The following CSMD3 variants were observed in gnomAD, a reference collection of about 807,000 sequenced individuals.
The protein encoded by CSMD3 is CUB and sushi domain-containing protein 3.
A neutral mutation model predicts 435.2 loss-of-function variants in CSMD3; 177 were observed. The observed-to-expected ratio is 0.41, with a 90% CI of 0.36 to 0.46. CSMD3 has a LOEUF of 0.46. CSMD3 is among the 20% of genes least tolerant of loss of function. The pLI is 0.34. For synonymous variants in CSMD3, 1,656 were observed against 1,520.5 expected (o/e 1.09, Z -2.07); for missense variants, 4,265 against 4,504.6 (o/e 0.95, Z 1.52).
chr8:112,397,112 T>G (rs902104429), intron 35 of CSMD3, among the ~76,000 whole-genome samples: 2 of 152,204 alleles, frequency 1.3e-5, no homozygotes, highest in African/African-American at 4.8e-5. Flanking sequence ...TTAAAAATAT[T>G]TTAAGACATG....
chr8:112,626,751 C>A (rs187419734), intron 22 of CSMD3, among the ~76,000 whole-genome samples: 1 of 152,200 alleles, frequency 6.6e-6, no homozygotes, highest in Admixed American at 6.6e-5. Flanking sequence ...ATCTACACTG[C>A]CAAATGATAG....
intron 1 of CSMD3, among the ~76,000 whole-genome samples, chr8:113,402,210 C>G: frequency 7.0e-6 from 1 of 142,656 alleles, no homozygotes; most frequent in East Asian, 2.0e-4. Context: ...TAAATTTTTT[C>G]ATTTGACAGC....
chr8:113,303,604 G>A (rs1208968675), intron 2 of CSMD3, among the ~76,000 whole-genome samples: 5 of 143,476 alleles, frequency 3.5e-5, no homozygotes, highest in South Asian at 2.3e-4. Flanking sequence ...CAGAAATAAC[G>A]CCACATACCT....
chr8:113,369,942 A>C (rs372867296), intron 1 of CSMD3, among the ~76,000 whole-genome samples: 9 of 151,834 alleles, frequency 5.9e-5, no homozygotes, highest in East Asian at 5.8e-4. Flanking sequence ...TGGTAAAAGG[A>C]TACAAAATTA....
intron 17 of CSMD3, among the ~76,000 whole-genome samples, chr8:112,658,401 C>T (rs1250584227): frequency 2.6e-5 from 4 of 152,018 alleles, no homozygotes. Context: ...TTCATTATAT[C>T]GTATCAGTCT....
intron 2 of CSMD3, among the ~76,000 whole-genome samples, chr8:113,287,425 T>C (rs568032569): frequency 5.3e-5 from 8 of 152,116 alleles, no homozygotes; most frequent in Admixed American, 2.0e-4. Flanking sequence ...CCTATTGATA[T>C]TGGAGTACAT....
chr8:113,047,767 C>A (rs1172938505), intron 5 of CSMD3, among the ~76,000 whole-genome samples: 1 of 152,072 alleles, frequency 6.6e-6, no homozygotes, highest in African/African-American at 2.4e-5. Flanking sequence ...AATAATGGAA[C>A]AAATTATTAC....
intron 22 of CSMD3, among the ~76,000 whole-genome samples, chr8:112,604,581 C>T (rs1022028095): frequency 2.6e-5 from 4 of 152,050 alleles, no homozygotes; most frequent in Non-Finnish European, 5.9e-5. Flanking sequence ...ACTGGCTAGG[C>T]ATATGGAGAA....
At chr8:112,978,529 C>G (rs2084935222) in intron 6 of CSMD3, among the ~76,000 whole-genome samples, 1 of 151,928 alleles carries the variant, frequency 6.6e-6, no homozygotes, top group Non-Finnish European at 1.5e-5. Flanking sequence ...CCAGGACTTT[C>G]TAGCAGTCCC....
intron 40 of CSMD3, among the ~76,000 whole-genome samples, chr8:112,347,649 T>A (rs964144471): frequency 2.0e-5 from 3 of 152,202 alleles, no homozygotes; most frequent in Non-Finnish European, 4.4e-5. Context: ...ACCCATATGC[T>A]TTTTTATGCT....
intron 46 of CSMD3, 126 bp downstream of exon 46, chr8:112,319,775 A>T (rs1330337268): frequency 2.7e-6 from 2 of 740,424 alleles, no homozygotes. Flanking sequence ...AATTCTAAAT[A>T]ATCTCTATCA....
rs200618397 is a variant in CSMD3 at position 112,295,946 on chromosome 8, C to T, written c.8501G>A (p.Gly2834Glu). The change falls in exon 54 of 71, where the codon GGA (glycine) becomes GAA (glutamate). Residue 2834 changes from glycine (G) to glutamate (E), a missense_variant. Gly to Glu is a moderately conservative substitution (Grantham distance 98). This residue lies in a region of CSMD3 where 3,255 missense variants were observed against 3,380.2 expected (regional missense o/e 0.96). Coordinates refer to ENST00000297405, the MANE Select transcript of CSMD3 (RefSeq NM_198123.2). ...TTGATATACAACTGTGTCTCTATAT[C>T]CATAATTTTCTCCAATGACTTGACC... ...VNGQVIGENYGYRDTVVYQCN... is the reference protein window; with the variant it reads ...VNGQVIGENYEYRDTVVYQCN... 289 of 1,613,528 alleles carry T rather than the reference C, an allele frequency of 1.8e-4. No individual in the cohort carries two copies. Among genetic ancestry groups the T allele is most frequent in the Admixed American group, 2.8e-4 (17 of 59,998 alleles).
chr8:113,064,101 C>T (rs1451868423), intron 5 of CSMD3, among the ~76,000 whole-genome samples: 1 of 150,322 alleles, frequency 6.7e-6, no homozygotes, highest in Non-Finnish European at 1.5e-5. Flanking sequence ...AGAAACTTGC[C>T]TAAAATTCAT....
intron 13 of CSMD3, among the ~76,000 whole-genome samples, chr8:112,699,020 A>G (rs2076322439): frequency 6.6e-6 from 1 of 152,052 alleles, no homozygotes; most frequent in African/African-American, 2.4e-5. Flanking sequence ...TATAAAATGG[A>G]CCCATCAGCA....
intron 38 of CSMD3, among the ~76,000 whole-genome samples, chr8:112,359,815 C>A (rs759674824): frequency 6.6e-6 from 1 of 152,052 alleles, no homozygotes; most frequent in Admixed American, 6.6e-5. Context: ...GGTCTCCAAG[C>A]ATGCATCATG....
intron 3 of CSMD3, among the ~76,000 whole-genome samples, chr8:113,256,699 T>C (rs887855148): frequency 8.5e-5 from 13 of 152,172 alleles, no homozygotes; most frequent in African/African-American, 3.1e-4. Flanking sequence ...AGGAGTAGGA[T>C]AGTTTGGCTG....
At chr8:113,137,953 T>C (rs2131715837) in intron 4 of CSMD3, among the ~76,000 whole-genome samples, 1 of 151,730 alleles carries the variant, frequency 6.6e-6, no homozygotes, top group South Asian at 2.1e-4. Context: ...CTTAGCACTC[T>C]TCAATGTGAA....
chr8:112,927,267 A>G (rs1336402984), intron 9 of CSMD3, among the ~76,000 whole-genome samples: 2 of 151,948 alleles, frequency 1.3e-5, no homozygotes, highest in Non-Finnish European at 2.9e-5. Context: ...GCAAAAAAAA[A>G]GTGAAAACCA....
intron 38 of CSMD3, among the ~76,000 whole-genome samples, 196 bp from the exon 39 acceptor site, chr8:112,352,730 A>C (rs1826244572): frequency 6.6e-6 from 1 of 152,184 alleles, no homozygotes; most frequent in Admixed American, 6.6e-5. Context: ...TTATAAAGCT[A>C]TACAATTTTA....
Sources: allele counts gnomAD v4.1 joint callset (sites outside exome capture counted in the v4.1 genomes callset), GRCh38; gene constraint gnomAD v4.1.1; regional missense constraint gnomAD v4.1.1; transcripts MANE v1.5; gene names NCBI Gene and HGNC (gene_info 2026-07-23, HGNC 2026-07-21).